Variants in SCNN1B observed in about 807,000 individuals in gnomAD.
SCNN1B encodes the protein epithelial sodium channel subunit beta.
A neutral mutation model predicts 65.3 loss-of-function variants in SCNN1B; 46 were observed. The ratio of observed to expected loss-of-function variants is 0.70; its 90% confidence interval spans 0.56 to 0.90. The LOEUF (loss-of-function observed/expected upper bound fraction) is 0.90. Ranked by LOEUF, SCNN1B falls within the 40% of genes least tolerant of loss-of-function variation. The probability of loss-of-function intolerance (pLI) is 0.00; values close to 1 mark genes in which losing one functional copy is unlikely to be tolerated. For synonymous variants in SCNN1B, 349 were observed against 330.6 expected (o/e 1.06, Z -0.60); for missense variants, 751 against 830.5 (o/e 0.90, Z 1.18).
At chr16:23,291,633 G>T (rs1247731260) in intron 2 of SCNN1B, among the ~76,000 whole-genome samples, 1 of 151,462 alleles carries the variant, frequency 6.6e-6, no homozygotes, top group Non-Finnish European at 1.5e-5. Context: ...GGAATGTAGT[G>T]GTGAGATAAT....
chr16:23,339,434 G>C (rs1428411203), intron 1 of SCNN1B, among the ~76,000 whole-genome samples: 1 of 151,752 alleles, frequency 6.6e-6, no homozygotes, highest in African/African-American at 2.4e-5. Flanking sequence ...TAAATATAGA[G>C]ACAGGGTCTT....
intron 1 of SCNN1B, among the ~76,000 whole-genome samples, chr16:23,342,342 G>C (rs1171887559): frequency 6.6e-6 from 1 of 152,202 alleles, no homozygotes; most frequent in Non-Finnish European, 1.5e-5. Flanking sequence ...CTGCCTCCCA[G>C]GCTCAAGCAA....
intron 1 of SCNN1B, among the ~76,000 whole-genome samples, chr16:23,329,931 C>T (rs947493431): frequency 6.6e-6 from 1 of 151,156 alleles, no homozygotes; most frequent in African/African-American, 2.4e-5. Context: ...GAGACTGAGG[C>T]GGGAGAATCA....
intron 7 of SCNN1B, among the ~76,000 whole-genome samples, chr16:23,374,300 G>A (rs1212047968): frequency 2.2e-4 from 31 of 143,580 alleles, no homozygotes; most frequent in African/African-American, 6.4e-4. Context: ...GAGGCCGGGC[G>A]CGATGGCTCA....
At chr16:23,301,421 G>C (rs916426418), upstream of SCNN1B, among the ~76,000 whole-genome samples, 5 of 123,250 alleles carry the variant, frequency 4.1e-5, no homozygotes, top group Admixed American at 2.8e-4. Context: ...GGTGGAGAGA[G>C]AGAGAGAGAA....
intron 7 of SCNN1B, among the ~76,000 whole-genome samples, chr16:23,374,267 G>GTAAAAAAA (rs1962843280): frequency 3.5e-5 from 1 of 28,272 alleles, no homozygotes; most frequent in African/African-American, 1.6e-4. Flanking sequence ...CCCTGTCTCA[G>GTAAAAAAA]GAAAAAAAAA....
chr16:23,293,782 G>A (rs1177149656), intron 2 of SCNN1B, among the ~76,000 whole-genome samples: 1 of 151,892 alleles, frequency 6.6e-6, no homozygotes, highest in South Asian at 2.1e-4. Context: ...AATTAGCCTG[G>A]CATGGTGGCA....
intron 1 of SCNN1B, among the ~76,000 whole-genome samples, chr16:23,279,074 GGTGT>G (rs113833144): frequency 1.3e-3 from 172 of 128,328 alleles, no homozygotes; most frequent in African/African-American, 6.0e-3. Context: ...GTGTGTGTGG[GGTGT>G]GTGTGTGTGT....
chr16:23,301,190 C>A (rs1323664503), upstream of SCNN1B, among the ~76,000 whole-genome samples: 1 of 151,694 alleles, frequency 6.6e-6, no homozygotes, highest in African/African-American at 2.4e-5. Flanking sequence ...ATGAAGAAAA[C>A]CCATCTCTAC....
intron 1 of SCNN1B, among the ~76,000 whole-genome samples, chr16:23,331,307 G>C (rs1961807117): frequency 3.3e-5 from 5 of 151,652 alleles, no homozygotes. Context: ...CAAGGGGCCA[G>C]GGAGCTTTTC....
intron 2 of SCNN1B, among the ~76,000 whole-genome samples, chr16:23,296,061 T>A (rs1960992748): frequency 6.6e-6 from 1 of 152,194 alleles, no homozygotes; most frequent in Non-Finnish European, 1.5e-5. Flanking sequence ...CTGCCAAGCT[T>A]GGTAGTGGCT....
intron 1 of SCNN1B, among the ~76,000 whole-genome samples, chr16:23,334,292 T>A (rs1961890272): frequency 6.6e-6 from 1 of 152,154 alleles, no homozygotes; most frequent in Non-Finnish European, 1.5e-5. Flanking sequence ...AGAGTTGACA[T>A]CAGCATGACA....
intron 2 of SCNN1B, among the ~76,000 whole-genome samples, chr16:23,289,208 C>G (rs1429206918): frequency 6.6e-6 from 1 of 152,172 alleles, no homozygotes; most frequent in Non-Finnish European, 1.5e-5. Context: ...CACTCTGTTT[C>G]TTTAATATGG....
chr16:23,324,358 C>A (rs574875972), intron 1 of SCNN1B, among the ~76,000 whole-genome samples: 1 of 151,856 alleles, frequency 6.6e-6, no homozygotes, highest in South Asian at 2.1e-4. Flanking sequence ...CAACTAATTT[C>A]TTTTGTTTTT....
intron 2 of SCNN1B, among the ~76,000 whole-genome samples, chr16:23,285,190 A>C (rs1044329978): frequency 6.6e-6 from 1 of 151,914 alleles, no homozygotes; most frequent in Non-Finnish European, 1.5e-5. Context: ...AGACGTTAAG[A>C]AGTTAAGACT....
At chr16:23,293,834 G>A (rs1960959998) in intron 2 of SCNN1B, among the ~76,000 whole-genome samples, 1 of 151,994 alleles carries the variant, frequency 6.6e-6, no homozygotes, top group Non-Finnish European at 1.5e-5. Flanking sequence ...TGAGGGAGGA[G>A]GATCTCTTGA....
At chr16:23,282,374 C>A (rs893273052) in intron 1 of SCNN1B, among the ~76,000 whole-genome samples, 1 of 152,134 alleles carries the variant, frequency 6.6e-6, no homozygotes, top group African/African-American at 2.4e-5. Context: ...ATCTTTACAA[C>A]AATAACATGA....
chr16:23,330,082 C>A (rs576342788), intron 1 of SCNN1B, among the ~76,000 whole-genome samples: 1 of 152,056 alleles, frequency 6.6e-6, no homozygotes, highest in African/African-American at 2.4e-5. Flanking sequence ...TATGGCCCAG[C>A]TCAGCAAAAC....
chr16:23,343,281 C>T (rs1039092263), intron 1 of SCNN1B, among the ~76,000 whole-genome samples: 3 of 151,580 alleles, frequency 2.0e-5, no homozygotes, highest in South Asian at 2.1e-4. Flanking sequence ...GGATAAACCC[C>T]GTCACTATTA....
Sources: gnomAD v4.1 joint callset for allele counts (sites outside exome capture counted in the v4.1 genomes callset) on GRCh38, gnomAD v4.1.1 for gene constraint, MANE v1.5 for transcripts, NCBI Gene and HGNC (gene_info 2026-07-23, HGNC 2026-07-21) for gene names.